BNIP5: variants seen among roughly 807,000 people sequenced by gnomAD.
BNIP5 encodes BCL2 interacting protein 5, also known as protein BNIP5.
In BNIP5, 61 loss-of-function variants were observed where a neutral mutation model predicts 67.3. The observed-to-expected ratio is 0.91, with a 90% CI of 0.74 to 1.12. The LOEUF (loss-of-function observed/expected upper bound fraction) is 1.12, where lower values mean the gene tolerates loss of function less well. BNIP5 is among the 50% of genes most tolerant of loss of function. The pLI is 0.00. For missense variants in BNIP5, 826 were observed against 816.3 expected, an observed-to-expected ratio of 1.01 and a Z score of -0.14; for synonymous variants, 317 against 319.0, an observed-to-expected ratio of 0.99 and a Z score of 0.07.
At chr6:36,331,782 G>A (rs542612738) in intron 1 of BNIP5, among the ~76,000 whole-genome samples, 184 of 152,088 alleles carry the variant, frequency 1.2e-3, no homozygotes, top group African/African-American at 3.3e-3. Context: ...AACCTACCTC[G>A]GTCTCTCAAA....
intron 8 of BNIP5, 90 bp from the exon 9 acceptor site, chr6:36,322,532 G>T (rs1188970309): frequency 7.0e-7 from 1 of 1,428,530 alleles, no homozygotes; most frequent in African/African-American, 1.4e-5. Context: ...GCATAAGCAG[G>T]GGCTGGTTTC....
intron 11 of BNIP5, 117 bp from the exon 12 acceptor site, chr6:36,317,508 G>T: frequency 2.3e-6 from 2 of 878,346 alleles, no homozygotes; most frequent in African/African-American, 3.3e-5. Context: ...TCCATCTCTG[G>T]GTCTTTGTTC....
In BNIP5 at chr6:36,330,216, G is replaced by A; in HGVS notation, c.475C>T (p.Gln159Ter). The change falls in exon 2 of 12, where the codon CAA becomes TAA. Residue 159 changes from glutamine to a stop codon, truncating the protein, a stop_gained. Transcript: ENST00000437635. LOFTEE classifies it high-confidence loss of function. ...TCGGCCGCGTGTTTCTTGTGACCTT[G>A]CTTCTTGCGGCTGGGCTTCTTGTCG... ...HHDKKPSRKK[Q>*]GHKKHAAEVT... is the part of the protein sequence containing the mutation. 6.2e-7 allele frequency: 1 copy of A among 1,614,150 alleles called. No individual in the cohort carries two copies.
At chr6:36,335,112 C>T (rs1237124283) in intron 1 of BNIP5, among the ~76,000 whole-genome samples, 3 of 152,196 alleles carry the variant, frequency 2.0e-5, no homozygotes, top group Non-Finnish European at 4.4e-5. Context: ...CCAGAGAAGG[C>T]TCACAAAGCT....
At position 36,330,516 on chromosome 6, in the gene BNIP5, A is replaced by G. The variant is rs759934086; in HGVS notation, c.175T>C (p.Ser59Pro). Residue 59 changes from serine (S) to proline (P), a missense_variant, in exon 2 of 12, where the codon TCA (serine) becomes CCA (proline). Transcript: ENST00000437635. ...TCTGCAGATGGAGCTGGGCTGTCTG[A>G]ATGTCTGGCCCAATCACTGGTCGTC... ...HWTTSDWARH[S>P]DSPAPSAEAH... 27 of 1,613,872 alleles carry G rather than the reference A, an allele frequency of 1.7e-5. No homozygotes were observed. The Admixed American group carries it at 4.5e-4, about 27-fold the overall frequency.
intron 5 of BNIP5, among the ~76,000 whole-genome samples, chr6:36,325,910 C>T (rs377632780): frequency 9.2e-5 from 14 of 152,190 alleles, no homozygotes; most frequent in African/African-American, 2.9e-4. Context: ...CTAGCTCTGG[C>T]CCCATCATCC....
intron 2 of BNIP5, 132 bp downstream of exon 2, chr6:36,329,949 G>A: frequency 2.1e-6 from 2 of 930,406 alleles, no homozygotes; most frequent in East Asian, 2.5e-5. Flanking sequence ...AGGGAGGAAG[G>A]AAGGAAGGAA....
rs1233605244 is a variant in BNIP5, at chr6:36,326,725, G to A, written c.821C>T (p.Ala274Val). ...AACAGCTGGTGCTGGGTTTGGCAGG[G>A]CCACCCCCAGCTGTGAGGCCAGAGA... is the stretch of plus-strand genomic sequence containing the variant. ...EQSLASQLGVALPNPAPAVRK... is the reference protein window; with the variant it reads ...EQSLASQLGVVLPNPAPAVRK... The change falls in exon 5 of 12, where the codon GCC becomes GTC. Residue 274 changes from alanine to valine, a missense_variant. Ala to Val is a moderately conservative substitution (Grantham distance 64). Transcript: ENST00000437635. The A allele has an allele frequency of 6.2e-7, 1 of 1,614,222 alleles. No homozygotes were observed. The highest frequency in any genetic ancestry group is 8.5e-7 in the Non-Finnish European group (1 of 1,180,040).
chr6:36,335,204 A>T (rs1225092479), intron 1 of BNIP5, among the ~76,000 whole-genome samples: 3 of 152,124 alleles, frequency 2.0e-5, no homozygotes, highest in African/African-American at 7.2e-5. Context: ...CGGTGACCTC[A>T]TCTCTATGCT....
rs556970124 is a variant in BNIP5, at chr6:36,323,175, G to A, written c.1471+118C>T. ...ACTCAGCATGGAAAGACACAGTCAG[G>A]GCTTTCAGCAACAGTGGACATCCTC... On this transcript the variant is annotated intron_variant, in intron 8 of 11. Coordinates refer to ENST00000437635, the MANE Select transcript of BNIP5 (RefSeq NM_001010903.5). 5.7e-6 allele frequency: 8 copies of A among 1,399,226 alleles called. No individual in the cohort carries two copies. The African/African-American group carries it at 1.1e-4, about 20-fold the overall frequency. 86.7% of individuals were successfully genotyped at this position (1,399,226 alleles called of 1,614,324 possible). A position where few individuals can be genotyped will look rare whatever the true frequency, so the allele number is the denominator to read the frequency against.
At chr6:36,317,588 T>A (rs1273765562) in intron 11 of BNIP5, among the ~76,000 whole-genome samples, 197 bp from the exon 12 acceptor site, 1 of 152,162 alleles carries the variant, frequency 6.6e-6, no homozygotes, top group Non-Finnish European at 1.5e-5. Context: ...TTCTCAAAGG[T>A]CAAAATCAGC....
intron 10 of BNIP5, among the ~76,000 whole-genome samples, chr6:36,320,486 G>A (rs1771610521): frequency 6.6e-6 from 1 of 152,234 alleles, no homozygotes. Flanking sequence ...TTGCAAAATG[G>A]CCCTGGGTCC....
At chr6:36,326,312 G>A (rs547083700) in intron 5 of BNIP5, among the ~76,000 whole-genome samples, 198 bp downstream of exon 5, 3 of 152,316 alleles carry the variant, frequency 2.0e-5, no homozygotes, top group East Asian at 1.9e-4. Flanking sequence ...CCTAGAGCTC[G>A]CTGAGGTGTT....
chr6:36,324,073 G>C, intron 7 of BNIP5, 56 bp downstream of exon 7: 1 of 1,301,908 alleles, frequency 7.7e-7, no homozygotes, highest in South Asian at 1.2e-5. Context: ...GTTACACCAG[G>C]CAGGGTTGGG....
At chr6:36,318,607 A>C (rs1414801248) in intron 11 of BNIP5, among the ~76,000 whole-genome samples, 1 of 151,918 alleles carries the variant, frequency 6.6e-6, no homozygotes, top group Non-Finnish European at 1.5e-5. Context: ...CTGTAGTCCC[A>C]GCTACTTGAG....
At chr6:36,336,126 C>T (rs1184053787) in intron 1 of BNIP5, among the ~76,000 whole-genome samples, 1 of 152,182 alleles carries the variant, frequency 6.6e-6, no homozygotes, top group Non-Finnish European at 1.5e-5. Context: ...ACCTCCCAGC[C>T]TCTACATTCC....
chr6:36,317,796 G>C (rs1348087394), intron 11 of BNIP5, among the ~76,000 whole-genome samples: 1 of 149,772 alleles, frequency 6.7e-6, no homozygotes, highest in Non-Finnish European at 1.5e-5. Context: ...GCTGTCAATA[G>C]CTACCAGTTA....
chr6:36,322,366 C>T lies in BNIP5; in HGVS notation c.1548G>A (p.Gln516=), dbSNP rs752384821. 1.9e-5 allele frequency: 30 copies of T among 1,614,170 alleles called. No homozygotes were observed. The Admixed American group carries it at 4.8e-4, about 26-fold the overall frequency. The change falls in exon 9 of 12, where the codon CAG becomes CAA. Residue 516 remains glutamine (Q), a synonymous_variant. Coordinates refer to ENST00000437635, the MANE Select transcript of BNIP5 (RefSeq NM_001010903.5). ...CCCCTTCTGGCGTGTGGCCTCTAGC[C>T]TGGGAGGGTGCTTCTGAGATCACAA... The part of the protein sequence containing the change: ...EPVVISEAPS[Q]ARGHTPEGAP...
chr6:36,323,722 G>A (rs776284090), intron 7 of BNIP5, among the ~76,000 whole-genome samples, 189 bp from the exon 8 acceptor site: 10 of 152,142 alleles, frequency 6.6e-5, no homozygotes, highest in Non-Finnish European at 1.5e-4. Context: ...GACTGGGTCC[G>A]GGTGCAGTGG....
Sources: gnomAD v4.1 joint callset for allele counts (sites outside exome capture counted in the v4.1 genomes callset) on GRCh38, gnomAD v4.1.1 for gene constraint, MANE v1.5 for transcripts, NCBI Gene and HGNC (gene_info 2026-07-23, HGNC 2026-07-21) for gene names.